The following HIVEP3 variants were observed in gnomAD, a reference collection of about 807,000 sequenced individuals.
HIVEP3 encodes transcription factor HIVEP3.
HIVEP3 carries 49 observed loss-of-function variants against 152.8 expected under a neutral mutation model. That is an observed-to-expected ratio of 0.32 (90% confidence interval 0.26 to 0.41). The LOEUF is 0.41. HIVEP3 is among the 10% of genes least tolerant of loss of function. HIVEP3 has a pLI of 1.00. For synonymous variants in HIVEP3, 1,269 were observed against 1,289.0 expected (o/e 0.98, Z 0.33); for missense variants, 2,790 against 3,103.3 (o/e 0.90, Z 2.40).
chr1:41,809,076 G>A lies in HIVEP3; in HGVS notation c.-800-108081C>T, dbSNP rs191417156. ...CAGGTCTGTCTGCCTCTGGACACCA[G>A]GCTCTTCCCATTACTAGGTGGTCTC... On this transcript the variant is annotated intron_variant, in intron 1 of 8. Coordinates refer to ENST00000372583, the MANE Select transcript of HIVEP3 (RefSeq NM_024503.5). Among the ~76,000 whole-genome samples, 16 of 152,334 alleles carry A rather than the reference G, an allele frequency of 1.1e-4. No homozygotes were observed. In the East Asian group the frequency reaches 3.1e-3, roughly 29 times the overall value.
chr1:41,676,341 T>A (rs1002745618), intron 2 of HIVEP3, among the ~76,000 whole-genome samples: 1 of 152,156 alleles, frequency 6.6e-6, no homozygotes, highest in African/African-American at 2.4e-5. Context: ...TGAGCCACCG[T>A]GCCCGGCAAC....
At position 41,776,491 on chromosome 1, in the gene HIVEP3, C is replaced by T. The variant is rs76097171; in HGVS notation, c.-800-75496G>A. 1.4e-3 allele frequency among the ~76,000 whole-genome samples: 207 copies of T among 152,302 alleles called. 2 individuals carry two copies. The highest frequency in any genetic ancestry group is 4.3e-3 in the African/African-American group (178 of 41,544). Reference sequence around the variant, plus strand: ...TTCCACCAGTGGCCGTGGGACATCTCGGTCTGTCTTTGGGTCTGTCTGCTT... The same window carrying T: ...TTCCACCAGTGGCCGTGGGACATCTTGGTCTGTCTTTGGGTCTGTCTGCTT... On this transcript the variant is annotated intron_variant, in intron 1 of 8. Coordinates refer to ENST00000372583, the MANE Select transcript of HIVEP3 (RefSeq NM_024503.5).
At chr1:41,625,493 T>C (rs1057401296) in intron 3 of HIVEP3, among the ~76,000 whole-genome samples, 25 of 152,216 alleles carry the variant, frequency 1.6e-4, no homozygotes, top group African/African-American at 6.0e-4. Context: ...GAACCTCAGA[T>C]TTCAATGTGT....
At chr1:41,783,473 T>A (rs1338829810) in intron 1 of HIVEP3, among the ~76,000 whole-genome samples, 1 of 150,530 alleles carries the variant, frequency 6.6e-6, no homozygotes, top group South Asian at 2.1e-4. Flanking sequence ...AAAAGGAGAG[T>A]GGGAGGGAGG....
At chr1:41,538,972 T>G (rs1009237385) in intron 5 of HIVEP3, among the ~76,000 whole-genome samples, 2 of 152,164 alleles carry the variant, frequency 1.3e-5, no homozygotes, top group Non-Finnish European at 2.9e-5. Context: ...CCCTGGGTCC[T>G]CCTCCCCCAC....
At chr1:41,655,370 G>T (rs1165547214) in intron 2 of HIVEP3, among the ~76,000 whole-genome samples, 1 of 151,914 alleles carries the variant, frequency 6.6e-6, no homozygotes, top group African/African-American at 2.4e-5. Context: ...ATTACTTGAG[G>T]TCAGAAGTTC....
intron 1 of HIVEP3, among the ~76,000 whole-genome samples, chr1:41,891,046 C>T (rs764320511): frequency 5.3e-5 from 8 of 152,170 alleles, no homozygotes; most frequent in African/African-American, 7.2e-5. Flanking sequence ...CCAGAGGCTC[C>T]GGGCTCCCCA....
In HIVEP3 at chr1:41,798,750, A is replaced by G. The variant is rs76731625; in HGVS notation, c.-800-97755T>C. Among the ~76,000 whole-genome samples the G allele has an allele frequency of 4.8e-3, 735 of 152,306 alleles. 6 individuals carry two copies. The highest frequency in any genetic ancestry group is 0.017 in the African/African-American group (707 of 41,552). Reference sequence around the variant, plus strand: ...GTTAAATCACTTTGGTCCATTCAATAAATGTTTATTGAAGAAAAAAAATCA... The same window carrying G: ...GTTAAATCACTTTGGTCCATTCAATGAATGTTTATTGAAGAAAAAAAATCA... On this transcript the variant is annotated intron_variant, in intron 1 of 8. Transcript: ENST00000372583.
At chr1:41,699,595 G>T (rs765422467) in intron 2 of HIVEP3, among the ~76,000 whole-genome samples, 4 of 152,196 alleles carry the variant, frequency 2.6e-5, no homozygotes, top group Non-Finnish European at 5.9e-5. Context: ...GGAACTGGAA[G>T]AGCAGAAGAG....
intron 3 of HIVEP3, among the ~76,000 whole-genome samples, chr1:41,623,381 C>T (rs1300443736): frequency 2.0e-5 from 3 of 152,216 alleles, no homozygotes; most frequent in Non-Finnish European, 4.4e-5. Flanking sequence ...AGAGAGAGCA[C>T]TAAGCTTAGC....
rs576114755 is a variant in HIVEP3 at position 41,916,245 on chromosome 1, C to T, written c.-801+2168G>A. Reference sequence around the variant, plus strand: ...GGTGGCTGCCACTAAACACAATGGGCGGAGACAGCTCAACAATAGTGCCAG... The same window carrying T: ...GGTGGCTGCCACTAAACACAATGGGTGGAGACAGCTCAACAATAGTGCCAG... On this transcript the variant is annotated intron_variant, in intron 1 of 8. Coordinates refer to ENST00000372583, the MANE Select transcript of HIVEP3 (RefSeq NM_024503.5). Among the ~76,000 whole-genome samples the T allele has an allele frequency of 1.2e-4, 18 of 152,256 alleles. No homozygotes were observed. In the East Asian group the frequency reaches 1.4e-3, roughly 11 times the overall value.
At chr1:41,709,271 T>A (rs1646478440) in intron 1 of HIVEP3, among the ~76,000 whole-genome samples, 1 of 152,176 alleles carries the variant, frequency 6.6e-6, no homozygotes, top group Non-Finnish European at 1.5e-5. Context: ...ATTGTGTAAG[T>A]CCCTTGTAGT....
chr1:41,968,090 T>G (rs533642446), intron 1 of HIVEP3, among the ~76,000 whole-genome samples: 1 of 152,098 alleles, frequency 6.6e-6, no homozygotes, highest in Non-Finnish European at 1.5e-5. Flanking sequence ...CAGGGCCAGA[T>G]AGATTTATAG....
chr1:41,821,424 G>A (rs1046858730), intron 1 of HIVEP3, among the ~76,000 whole-genome samples: 5 of 152,118 alleles, frequency 3.3e-5, no homozygotes, highest in Non-Finnish European at 7.3e-5. Flanking sequence ...AAGACCACTC[G>A]AGCTTTTTGG....
chr1:41,787,889 T>C (rs911875073), intron 1 of HIVEP3, among the ~76,000 whole-genome samples: 1 of 151,870 alleles, frequency 6.6e-6, no homozygotes, highest in South Asian at 2.1e-4. Context: ...GGGGCAGAGA[T>C]AGTGAAAGAA....
chr1:41,777,001 G>A (rs1044424575), intron 1 of HIVEP3, among the ~76,000 whole-genome samples: 3 of 152,150 alleles, frequency 2.0e-5, no homozygotes, highest in Non-Finnish European at 4.4e-5. Flanking sequence ...CAGTTACACT[G>A]GACTTCAGCC....
chr1:41,592,638 C>G (rs1420086028), intron 3 of HIVEP3, among the ~76,000 whole-genome samples: 1 of 152,204 alleles, frequency 6.6e-6, no homozygotes, highest in Middle Eastern at 3.2e-3. Context: ...ACTGGCCCAC[C>G]ATCCTCTTGG....
At chr1:41,859,179 T>C (rs1643851215) in intron 1 of HIVEP3, among the ~76,000 whole-genome samples, 1 of 152,214 alleles carries the variant, frequency 6.6e-6, no homozygotes, top group Admixed American at 6.5e-5. Context: ...TCTGTTTACT[T>C]ATTTATCATT....
chr1:41,990,541 C>T (rs1411159002), intron 1 of HIVEP3, among the ~76,000 whole-genome samples: 1 of 140,402 alleles, frequency 7.1e-6, no homozygotes, highest in East Asian at 2.2e-4. Flanking sequence ...GACTCCCACA[C>T]ATTAATAATG....
Sources: allele counts gnomAD v4.1 joint callset (sites outside exome capture counted in the v4.1 genomes callset), GRCh38; gene constraint gnomAD v4.1.1; transcripts MANE v1.5; gene names NCBI Gene and HGNC (gene_info 2026-07-23, HGNC 2026-07-21).